ROR1: variants seen among roughly 807,000 people sequenced by gnomAD.
The protein encoded by ROR1 is ROR family WNT receptor 1.
Under a neutral mutation model 78.8 loss-of-function variants are expected in ROR1, and 19 were observed. That is an observed-to-expected ratio of 0.24 (90% CI 0.17 to 0.35). The LOEUF is 0.35. Ranked by LOEUF, ROR1 falls within the 10% of genes least tolerant of loss-of-function variation. The pLI, the probability that ROR1 is intolerant of heterozygous loss-of-function variation, is 1.00. For missense variants in ROR1, 917 were observed against 1,177.8 expected, an observed-to-expected ratio of 0.78 and a Z score of 3.24; for synonymous variants, 386 against 433.6, an observed-to-expected ratio of 0.89 and a Z score of 1.36.
chr1:63,813,678 A>G (rs1000213759), intron 1 of ROR1, among the ~76,000 whole-genome samples: 1 of 152,248 alleles, frequency 6.6e-6, no homozygotes, highest in Middle Eastern at 3.2e-3. Context: ...ATTGAAAACT[A>G]GCACGATGAT....
At chr1:64,023,121 A>C (rs934431668) in intron 2 of ROR1, among the ~76,000 whole-genome samples, 1 of 152,148 alleles carries the variant, frequency 6.6e-6, no homozygotes, top group Non-Finnish European at 1.5e-5. Context: ...AAGATAGTAG[A>C]ATCAGACTTT....
intron 1 of ROR1, among the ~76,000 whole-genome samples, chr1:63,829,142 C>T (rs562075042): frequency 1.3e-5 from 2 of 152,310 alleles, no homozygotes; most frequent in African/African-American, 2.4e-5. Context: ...TGTTCCGCCA[C>T]GTACTGGCTG....
At chr1:63,984,997 A>G (rs1646239502) in intron 1 of ROR1, among the ~76,000 whole-genome samples, 1 of 152,120 alleles carries the variant, frequency 6.6e-6, no homozygotes, top group South Asian at 2.1e-4. Flanking sequence ...TTTTCACAAT[A>G]CTGCTTGGAC....
intron 4 of ROR1, among the ~76,000 whole-genome samples, chr1:64,098,118 A>G (rs902226077): frequency 9.9e-5 from 15 of 152,148 alleles, no homozygotes; most frequent in African/African-American, 3.4e-4. Flanking sequence ...AATTCGTTCC[A>G]GGTAATTTGA....
At chr1:63,836,496 G>A (rs1337285212) in intron 1 of ROR1, among the ~76,000 whole-genome samples, 3 of 152,130 alleles carry the variant, frequency 2.0e-5, no homozygotes, top group Non-Finnish European at 4.4e-5. Context: ...ATAATTAGCA[G>A]GGGGGAATTC....
chr1:64,106,027 T>G (rs1445519031), intron 4 of ROR1: 1 of 152,216 alleles, frequency 6.6e-6, no homozygotes, highest in Non-Finnish European at 1.5e-5. Context: ...AGGATAGCAT[T>G]GAATCTATAA....
chr1:63,879,909 G>T (rs1229050551), intron 1 of ROR1, among the ~76,000 whole-genome samples: 2 of 152,136 alleles, frequency 1.3e-5, no homozygotes, highest in Non-Finnish European at 2.9e-5. Flanking sequence ...TTTTATTATA[G>T]TAGTGGTTGG....
intron 1 of ROR1, among the ~76,000 whole-genome samples, chr1:63,876,532 T>C (rs1225054780): frequency 2.0e-5 from 3 of 151,938 alleles, no homozygotes; most frequent in African/African-American, 4.8e-5. Flanking sequence ...GTAAGGGGCA[T>C]GGTGAATTTG....
chr1:63,938,074 A>C (rs1645807280), intron 1 of ROR1, among the ~76,000 whole-genome samples: 2 of 152,116 alleles, frequency 1.3e-5, no homozygotes, highest in Non-Finnish European at 1.5e-5. Context: ...TCCCCCAGAG[A>C]ATATAGAGTT....
chr1:64,153,213 T>C (rs1324365), intron 7 of ROR1, among the ~76,000 whole-genome samples: 41,605 of 151,854 alleles, frequency 0.27, 5,986 homozygotes, highest in East Asian at 0.41. Context: ...AAATCAAAAC[T>C]CCAGTGAGAT....
intron 2 of ROR1, among the ~76,000 whole-genome samples, chr1:64,019,461 C>G (rs145877043): frequency 6.6e-6 from 1 of 152,036 alleles, no homozygotes; most frequent in African/African-American, 2.4e-5. Context: ...ATATGTGAGA[C>G]GGCTAAGCAC....
intron 1 of ROR1, among the ~76,000 whole-genome samples, chr1:63,863,518 T>G (rs113632492): frequency 1.3e-3 from 203 of 152,300 alleles, no homozygotes; most frequent in African/African-American, 4.6e-3. Context: ...CTGAGGTTCC[T>G]TCTAATTTGT....
chr1:64,140,364 A>G lies in ROR1; in HGVS notation c.866A>G (p.Glu289Gly). Residue 289 changes from glutamate (E) to glycine (G), a missense_variant, in exon 6 of 9, where the codon GAG becomes GGG. Physicochemically the swap from Glu to Gly is moderately conservative, Grantham distance 98. This residue lies in a region of ROR1 where 835 missense variants were observed against 1,069.8 expected (regional missense o/e 0.78). Transcript: ENST00000371079. Reference sequence around the variant, plus strand: ...AACTGTGAAGATCTCCCCCAGCCAGAGAGCCCAGAAGCTGCGAACTGTATC... The same window carrying G: ...AACTGTGAAGATCTCCCCCAGCCAGGGAGCCCAGAAGCTGCGAACTGTATC... ...LPNCEDLPQPESPEAANCIRI... is the reference protein window; with the variant it reads ...LPNCEDLPQPGSPEAANCIRI... 1 of 1,613,778 alleles carries G rather than the reference A, an allele frequency of 6.2e-7. No homozygotes were observed. Among genetic ancestry groups the G allele is most frequent in the Non-Finnish European group, 8.5e-7 (1 of 1,179,920 alleles).
At chr1:63,996,800 C>T (rs1396127583) in intron 1 of ROR1, among the ~76,000 whole-genome samples, 1 of 152,024 alleles carries the variant, frequency 6.6e-6, no homozygotes, top group Non-Finnish European at 1.5e-5. Context: ...GGGACTTTAC[C>T]AGCAGTGCAG....
intron 1 of ROR1, among the ~76,000 whole-genome samples, chr1:63,821,579 A>G (rs990951636): frequency 1.2e-4 from 19 of 152,182 alleles, no homozygotes; most frequent in African/African-American, 3.4e-4. Flanking sequence ...AAGGAGAAAA[A>G]TCTGTCTTCT....
chr1:64,078,739 G>C (rs147129538), intron 4 of ROR1, among the ~76,000 whole-genome samples: 56 of 152,272 alleles, frequency 3.7e-4, no homozygotes, highest in African/African-American at 1.2e-3. Flanking sequence ...ACACAGGTAA[G>C]AGGGGGCAGA....
chr1:64,050,676 A>G lies in ROR1; in HGVS notation c.452-10A>G, dbSNP rs201444681. The G allele has an allele frequency of 1.6e-5, 25 of 1,612,776 alleles. No homozygotes were observed. Among genetic ancestry groups the G allele is most frequent in the Non-Finnish European group, 2.1e-5 (25 of 1,179,334 alleles). On this transcript the variant is annotated splice_polypyrimidine_tract_variant and intron_variant, in intron 3 of 8. Coordinates refer to ENST00000371079, the MANE Select transcript of ROR1 (RefSeq NM_005012.4). ...TGACTGTTTCTTTTGTTTTTCTTTC[A>G]TTTCTTCAGGCCCCCCTCCCACTGC...
rs75954611 is a variant in ROR1, at chr1:64,070,858, T to A, written c.482+20142T>A. ...AATAAATAAGATAGGAAGAAGAAAG[T>A]CTAATGTGTCAGAGAGTAATGTCTG... On this transcript the variant is annotated intron_variant, in intron 4 of 8. Coordinates refer to ENST00000371079, the MANE Select transcript of ROR1 (RefSeq NM_005012.4). Among the ~76,000 whole-genome samples, 598 of 152,138 alleles carry A rather than the reference T, an allele frequency of 3.9e-3. 1 individual carries two copies. Among genetic ancestry groups the A allele is most frequent in the Non-Finnish European group, 6.4e-3 (435 of 68,004 alleles).
intron 1 of ROR1, among the ~76,000 whole-genome samples, chr1:63,930,240 G>A (rs552989823): frequency 6.6e-6 from 1 of 152,208 alleles, no homozygotes; most frequent in African/African-American, 2.4e-5. Flanking sequence ...ATTGGACTCT[G>A]CTGTGAACTG....
Sources: gnomAD v4.1 joint callset for allele counts (sites outside exome capture counted in the v4.1 genomes callset) on GRCh38, gnomAD v4.1.1 for gene constraint, gnomAD v4.1.1 regional missense constraint, MANE v1.5 for transcripts, NCBI Gene and HGNC (gene_info 2026-07-23, HGNC 2026-07-21) for gene names.